The following PLCE1 variants were observed in gnomAD, a reference collection of about 807,000 sequenced individuals.
PLCE1 encodes the protein 1-phosphatidylinositol 4,5-bisphosphate phosphodiesterase epsilon-1.
A neutral mutation model predicts 242.8 loss-of-function variants in PLCE1; 119 were observed. The observed-to-expected ratio is 0.49, with a 90% confidence interval of 0.42 to 0.57. The LOEUF (loss-of-function observed/expected upper bound fraction) is 0.57. PLCE1 is among the 20% of genes least tolerant of loss of function. The pLI is 0.00. For missense variants in PLCE1, 2,441 were observed against 2,788.8 expected, an observed-to-expected ratio of 0.88 and a Z score of 2.81; for synonymous variants, 945 against 1,017.4, an observed-to-expected ratio of 0.93 and a Z score of 1.35.
At chr10:94,296,381 A>T (rs1475650958) in intron 23 of PLCE1, among the ~76,000 whole-genome samples, 1 of 151,896 alleles carries the variant, frequency 6.6e-6, no homozygotes, top group East Asian at 1.9e-4. Flanking sequence ...AAAAAAAAAA[A>T]AAAATTCTGT....
intron 2 of PLCE1, among the ~76,000 whole-genome samples, chr10:94,081,636 A>C (rs1382332510): frequency 6.6e-6 from 1 of 152,232 alleles, no homozygotes; most frequent in African/African-American, 2.4e-5. Context: ...TATTAAATAG[A>C]CATGTCCTCA....
chr10:94,184,920 T>G (rs890273430), intron 4 of PLCE1, among the ~76,000 whole-genome samples: 1 of 152,212 alleles, frequency 6.6e-6, no homozygotes, highest in African/African-American at 2.4e-5. Flanking sequence ...TTTTTATGCA[T>G]GGTACCATCT....
chr10:94,103,322 T>C (rs1469069767), intron 2 of PLCE1, among the ~76,000 whole-genome samples: 2 of 152,190 alleles, frequency 1.3e-5, no homozygotes, highest in Non-Finnish European at 2.9e-5. Flanking sequence ...ACTCCAGTGT[T>C]TGTGCTGTTA....
At chr10:94,180,885 A>T (rs207471275) in intron 4 of PLCE1, among the ~76,000 whole-genome samples, 1 of 152,258 alleles carries the variant, frequency 6.6e-6, no homozygotes, top group Non-Finnish European at 1.5e-5. Flanking sequence ...TGAAATTGTT[A>T]GCACCTTGTG....
Position 94,262,859 on chromosome 10 carries a change from T to G in PLCE1, c.4053+127T>G. 5.0e-6 allele frequency: 4 copies of G among 805,710 alleles called. No homozygotes were observed. The South Asian group carries it at 5.7e-5, about 11-fold the overall frequency. 49.9% of individuals were successfully genotyped at this position (805,710 alleles called of 1,614,324 possible). ...TTAAATCTGGGACAGATATACAGTT[T>G]TGTTTTTTTTTTTGTTTTTTTGGGT... On this transcript the variant is annotated intron_variant, in intron 14 of 32. Transcript: ENST00000371380.
At chr10:94,270,240 A>G (rs1257004351) in intron 17 of PLCE1, among the ~76,000 whole-genome samples, 1 of 152,228 alleles carries the variant, frequency 6.6e-6, no homozygotes, top group Admixed American at 6.5e-5. Context: ...ATATGTATAT[A>G]AATAGATTTG....
chr10:94,262,818 C>T (rs1411679432), intron 14 of PLCE1, 86 bp downstream of exon 14: 1 of 971,432 alleles, frequency 1.0e-6, no homozygotes, highest in Non-Finnish European at 1.7e-6. Flanking sequence ...TCTTTCTATA[C>T]TTCTTTCCAA....
rs747481933 is a variant in PLCE1, at chr10:94,076,132, CGTGT to C, written c.1206+43899_1206+43902del. Among the ~76,000 whole-genome samples the C allele has an allele frequency of 6.0e-3, 883 of 147,062 alleles. 4 individuals carry two copies. The highest frequency in any genetic ancestry group is 0.021 in the African/African-American group (834 of 40,172). On this transcript the variant is annotated intron_variant, in intron 2 of 32. Coordinates refer to ENST00000371380, the MANE Select transcript of PLCE1 (RefSeq NM_016341.4). ...GTGTGTGTTTGTGTGTGTGTGCGTG[CGTGT>C]GTGTGTGTGTGTGTGTGTTACCTCC...
At chr10:94,277,535 A>G (rs1589459776) in intron 19 of PLCE1, among the ~76,000 whole-genome samples, 2 of 152,166 alleles carry the variant, frequency 1.3e-5, no homozygotes, top group East Asian at 1.9e-4. Flanking sequence ...AGACACTGCT[A>G]TTCGTGGTTC....
intron 2 of PLCE1, among the ~76,000 whole-genome samples, chr10:94,124,299 G>T (rs2046379233): frequency 6.6e-6 from 1 of 150,670 alleles, no homozygotes; most frequent in South Asian, 2.1e-4. Flanking sequence ...GATCACTTGA[G>T]CCCAAGAGGT....
intron 4 of PLCE1, among the ~76,000 whole-genome samples, chr10:94,185,019 A>G (rs989528181): frequency 1.3e-5 from 2 of 152,230 alleles, no homozygotes; most frequent in African/African-American, 4.8e-5. Context: ...TACAAAGAAA[A>G]GCAAGACATG....
chr10:94,259,278 T>A, intron 13 of PLCE1, 128 bp downstream of exon 13: 2 of 964,262 alleles, frequency 2.1e-6, no homozygotes, highest in African/African-American at 1.6e-5. Flanking sequence ...GGGAAAGACT[T>A]AAGAGAATTT....
At chr10:94,295,241 C>T (rs956378614) in intron 23 of PLCE1, among the ~76,000 whole-genome samples, 10 of 151,948 alleles carry the variant, frequency 6.6e-5, no homozygotes. Context: ...AAATTGGGGT[C>T]AGACCTCTCA....
At chr10:94,274,333 A>G (rs1368917418) in intron 19 of PLCE1, among the ~76,000 whole-genome samples, 3 of 152,210 alleles carry the variant, frequency 2.0e-5, no homozygotes, top group African/African-American at 7.2e-5. Context: ...TTAGGAGGGC[A>G]CTGTTGGTCC....
At chr10:94,326,575 G>A (rs929324871) in intron 32 of PLCE1, among the ~76,000 whole-genome samples, 3 of 152,132 alleles carry the variant, frequency 2.0e-5, no homozygotes, top group Non-Finnish European at 2.9e-5. Flanking sequence ...CATATAAAGA[G>A]CCCGATATGT....
intron 18 of PLCE1, 77 bp from the exon 19 acceptor site, chr10:94,273,485 A>G (rs1307509394): frequency 5.3e-6 from 7 of 1,326,556 alleles, no homozygotes; most frequent in Admixed American, 1.8e-5. Context: ...AATATCTACT[A>G]TGTTTATGAA....
Position 94,042,771 on chromosome 10 carries a change from C to T in PLCE1, c.1206+10519C>T, listed in dbSNP as rs563756679. On this transcript the variant is annotated intron_variant, in intron 2 of 32. Transcript: ENST00000371380. ...CAAGCCCCAAGGTTTGAATGTTTTA[C>T]AGAATTGCTATAATTTAGAAGTACA... Among the ~76,000 whole-genome samples the T allele has an allele frequency of 3.5e-4, 53 of 152,212 alleles. 1 individual carries two copies. The highest frequency in any genetic ancestry group is 1.0e-3 in the African/African-American group (42 of 41,536).
chr10:94,066,584 G>C (rs922738909), intron 2 of PLCE1, among the ~76,000 whole-genome samples: 5 of 151,956 alleles, frequency 3.3e-5, no homozygotes, highest in Non-Finnish European at 5.9e-5. Flanking sequence ...GTTAGTTCAG[G>C]ACCAAGGACA....
chr10:94,296,242 T>G (rs2052808633), intron 23 of PLCE1, among the ~76,000 whole-genome samples: 1 of 151,682 alleles, frequency 6.6e-6, no homozygotes, highest in Admixed American at 6.6e-5. Flanking sequence ...GGCGGGTGCC[T>G]GTAGTCCCAG....
Sources: allele counts gnomAD v4.1 joint callset (sites outside exome capture counted in the v4.1 genomes callset), GRCh38; gene constraint gnomAD v4.1.1; transcripts MANE v1.5; gene names NCBI Gene and HGNC (gene_info 2026-07-23, HGNC 2026-07-21).